Variants in NOBOX observed in about 807,000 individuals in gnomAD.
The protein encoded by NOBOX is homeobox protein NOBOX.
In NOBOX, 46 loss-of-function variants were observed where a neutral mutation model predicts 60.2. The ratio of observed to expected loss-of-function variants is 0.76; its 90% confidence interval spans 0.60 to 0.98. The LOEUF (loss-of-function observed/expected upper bound fraction) is 0.98. NOBOX is among the 50% of genes least tolerant of loss of function. The pLI is 0.00. For missense variants in NOBOX, 880 were observed against 865.5 expected (o/e 1.02, Z -0.21); for synonymous variants, 360 against 346.3 (o/e 1.04, Z -0.44).
Position 144,399,083 on chromosome 7 carries a change from G to A in NOBOX, c.1336C>T (p.Pro446Ser), listed in dbSNP as rs763087298. The change falls in exon 8 of 10, where the codon CCA becomes TCA. Residue 446 changes from proline to serine, a missense_variant. By Grantham distance (74) the Pro-to-Ser change is moderately conservative. Transcript: ENST00000467773. The stretch of plus-strand genomic sequence containing the variant: ...GGAAGATCGGCCCTTCGCACAGGTG[G>A]GGGGCTGAAGAGTGGGGGGGTCACC... 1.1e-5 allele frequency: 14 copies of A among 1,217,644 alleles called. No homozygotes were observed. The Admixed American group carries it at 1.5e-4, about 13-fold the overall frequency. The allele number at this position is 1,217,644 out of a possible 1,614,324, so 75.4% of individuals were successfully genotyped here.
At chr7:144,404,223 G>A (rs185144502) in intron 2 of NOBOX, among the ~76,000 whole-genome samples, 140 of 152,270 alleles carry the variant, frequency 9.2e-4, no homozygotes, top group Non-Finnish European at 2.9e-4. Flanking sequence ...TCAGTATTAA[G>A]GAGCTTCAAA....
At chr7:144,399,972 C>G (rs1227346718) in intron 5 of NOBOX, 109 bp from the exon 4 acceptor site, 3 of 1,278,400 alleles carry the variant, frequency 2.3e-6, no homozygotes, top group Non-Finnish European at 3.3e-6. Context: ...CACTCCAGCA[C>G]TCTGCTTCTG....
At chr7:144,407,605 G>A (rs2053994563) in intron 1 of NOBOX, among the ~76,000 whole-genome samples, 1 of 152,238 alleles carries the variant, frequency 6.6e-6, no homozygotes, top group Non-Finnish European at 1.5e-5. Flanking sequence ...ACTGGGGACC[G>A]ATGACAGGGA....
chr7:144,408,157 T>A (rs550623181), intron 1 of NOBOX, among the ~76,000 whole-genome samples: 2 of 152,174 alleles, frequency 1.3e-5, no homozygotes, highest in Admixed American at 1.3e-4. Flanking sequence ...CTCTTCCAGG[T>A]TTTTGTTCCA....
intron 1 of NOBOX, among the ~76,000 whole-genome samples, chr7:144,409,667 A>G (rs2054008755): frequency 1.3e-5 from 2 of 152,238 alleles, no homozygotes; most frequent in African/African-American, 4.8e-5. Flanking sequence ...AAAAAGGCAA[A>G]TTTGAAATAC....
intron 1 of NOBOX, chr7:144,404,741 G>A: frequency 6.3e-7 from 1 of 1,595,186 alleles, no homozygotes. Flanking sequence ...TTTATTCTCT[G>A]AGAATGGAAG....
chr7:144,400,683 A>C (rs2128861568), intron 4 of NOBOX, among the ~76,000 whole-genome samples: 1 of 152,332 alleles, frequency 6.6e-6, no homozygotes, highest in Non-Finnish European at 1.5e-5. Flanking sequence ...GATTACAGGC[A>C]CAGGCCAGCA....
chr7:144,404,550 C>A lies in NOBOX; in HGVS notation c.210+6G>T, dbSNP rs547261391. The A allele has an allele frequency of 1.9e-6, 3 of 1,612,156 alleles. No individual in the cohort carries two copies. The highest frequency in any genetic ancestry group is 1.3e-5 in the African/African-American group (1 of 74,992). The stretch of plus-strand genomic sequence containing the variant: ...AGGCGTGAGCCACAGCGCTCGCCCC[C>A]CGTACTGATTTGAGGGTCTCCAGAG... On this transcript the variant is annotated splice_donor_region_variant and intron_variant, in intron 2 of 9. Transcript: ENST00000467773.
chr7:144,404,713 T>G, intron 1 of NOBOX: 1 of 1,608,992 alleles, frequency 6.2e-7, no homozygotes, highest in East Asian at 2.2e-5. Context: ...TGTGTTTCCA[T>G]CCATTTGGTG....
rs753293752 is a variant in NOBOX, at chr7:144,401,245, G to A, written c.645C>T (p.Ala215=). 3 of 1,613,584 alleles carry A rather than the reference G, an allele frequency of 1.9e-6. 1 individual carries two copies. In the South Asian group the frequency reaches 3.3e-5, roughly 18 times the overall value. Residue 215 remains alanine (A), a synonymous_variant, in exon 4 of 10, where the codon GCC becomes GCT. Coordinates refer to ENST00000467773, the MANE Select transcript of NOBOX (RefSeq NM_001080413.3). The surrounding 1 kb of genome is among the most constrained non-coding windows in gnomAD (Gnocchi z 4.2). ...TAGGGGCACCCGGAGATGATGTTGG[G>A]GCCAGACCCATGGCATTAGGCTTTT...
At chr7:144,404,747 G>A in intron 1 of NOBOX, 1 of 1,590,534 alleles carries the variant, frequency 6.3e-7, no homozygotes, top group Non-Finnish European at 8.6e-7. Context: ...CTCTGAGAAT[G>A]GAAGGGACTT....
chr7:144,404,424 T>G (rs2053969444), intron 2 of NOBOX: 3 of 758,544 alleles, frequency 4.0e-6, no homozygotes, highest in Non-Finnish European at 6.5e-6. Context: ...ATTTTTTGTA[T>G]TTTTAGTAGA....
chr7:144,398,926 G>T, intron 8 of NOBOX, 24 bp downstream of exon 6: 1 of 1,328,758 alleles, frequency 7.5e-7, no homozygotes, highest in South Asian at 1.3e-5. Flanking sequence ...TAACTAGAGT[G>T]ACCTACCCCC....
chr7:144,408,455 A>G (rs1289155607), intron 1 of NOBOX, among the ~76,000 whole-genome samples: 1 of 152,192 alleles, frequency 6.6e-6, no homozygotes, highest in Non-Finnish European at 1.5e-5. Flanking sequence ...GGGAGTTCTT[A>G]GATGGTAACA....
intron 2 of NOBOX, among the ~76,000 whole-genome samples, chr7:144,404,064 C>T (rs1490465598): frequency 2.6e-5 from 4 of 152,214 alleles, no homozygotes; most frequent in African/African-American, 9.6e-5. Context: ...TGGGCCCAGC[C>T]GTGGGGCTCA....
chr7:144,397,460 G>A lies in NOBOX; in HGVS notation c.1856C>T (p.Pro619Leu), dbSNP rs146227301. Residue 619 changes from proline to leucine, a missense_variant, in exon 10 of 10, where the codon CCA becomes CTA. By Grantham distance (98) the Pro-to-Leu change is moderately conservative. Coordinates refer to ENST00000467773, the MANE Select transcript of NOBOX (RefSeq NM_001080413.3). ...ATCAGGAAAGTAGCCATCCCCTCCTGGGGGATGCCCCAGAGCTTGTGGGCA... is the reference window on the plus strand; with the variant it reads ...ATCAGGAAAGTAGCCATCCCCTCCTAGGGGATGCCCCAGAGCTTGTGGGCA... 7.1e-4 allele frequency: 1,084 copies of A among 1,536,878 alleles called. 3 individuals are homozygous for A. The African/African-American group carries it at 0.013, about 18-fold the overall frequency.
At chr7:144,404,546 C>T (rs756193964) in intron 2 of NOBOX, 5 of 1,612,004 alleles carry the variant, frequency 3.1e-6, no homozygotes, top group Middle Eastern at 1.7e-4. Flanking sequence ...ACAGCGCTCG[C>T]CCCCCGTACT....
intron 5 of NOBOX, 62 bp from the exon 4 acceptor site, chr7:144,399,925 T>C: frequency 7.1e-7 from 1 of 1,413,784 alleles, no homozygotes; most frequent in Non-Finnish European, 9.8e-7. Context: ...GCTTAGGTCC[T>C]GGCTGTTGCA....
intron 2 of NOBOX, among the ~76,000 whole-genome samples, chr7:144,403,112 G>C (rs982913594): frequency 4.6e-5 from 7 of 152,178 alleles, no homozygotes. Context: ...CAAGGGTGCT[G>C]TTCCAAGTCC....
Sources: gnomAD v4.1 joint callset for allele counts (sites outside exome capture counted in the v4.1 genomes callset) on GRCh38, gnomAD v4.1.1 for gene constraint, Gnocchi (gnomAD v3.1) non-coding constraint, MANE v1.5 for transcripts, NCBI Gene and HGNC (gene_info 2026-07-23, HGNC 2026-07-21) for gene names.